BNC2: variants seen among roughly 807,000 people sequenced by gnomAD.
The protein encoded by BNC2 is zinc finger protein basonuclin-2.
A neutral mutation model predicts 76.3 loss-of-function variants in BNC2; 20 were observed. The ratio of observed to expected loss-of-function variants is 0.26; its 90% CI spans 0.18 to 0.38. BNC2 has a LOEUF of 0.38. Among genes scored for constraint, BNC2 ranks in the 10% least tolerant of loss-of-function variants. The pLI, the probability that BNC2 is intolerant of heterozygous loss-of-function variation, is 1.00. For synonymous variants in BNC2, 582 were observed against 514.8 expected (o/e 1.13, Z -1.77); for missense variants, 1,382 against 1,399.8 (o/e 0.99, Z 0.20).
chr9:16,574,187 G>A (rs767505817), intron 4 of BNC2, among the ~76,000 whole-genome samples: 1 of 152,132 alleles, frequency 6.6e-6, no homozygotes, highest in African/African-American at 2.4e-5. Context: ...GTGAACTCCA[G>A]TTAATTAAGA....
At chr9:16,664,503 G>C (rs541346879) in intron 3 of BNC2, among the ~76,000 whole-genome samples, 1 of 152,252 alleles carries the variant, frequency 6.6e-6, no homozygotes, top group East Asian at 1.9e-4. Flanking sequence ...AGCTGAGACT[G>C]TCTGGGGACA....
At chr9:16,523,101 T>G (rs1341805264) in intron 5 of BNC2, among the ~76,000 whole-genome samples, 1 of 152,150 alleles carries the variant, frequency 6.6e-6, no homozygotes, top group Admixed American at 6.5e-5. Context: ...CGAGTTTCAG[T>G]GTCTATTCGT....
intron 1 of BNC2, among the ~76,000 whole-genome samples, chr9:16,788,681 G>C (rs1382580598): frequency 6.6e-6 from 1 of 152,060 alleles, no homozygotes; most frequent in Non-Finnish European, 1.5e-5. Context: ...AGAGAAAAGG[G>C]AGCCCTTTAA....
intron 3 of BNC2, among the ~76,000 whole-genome samples, chr9:16,709,716 G>A (rs1290819642): frequency 6.6e-6 from 1 of 152,172 alleles, no homozygotes; most frequent in Non-Finnish European, 1.5e-5. Context: ...ACCTGTGGGA[G>A]AGACAGGGAA....
chr9:16,437,365 T>C lies in BNC2; in HGVS notation c.829A>G (p.Lys277Glu), dbSNP rs1336792156. The C allele has an allele frequency of 6.2e-7, 1 of 1,613,822 alleles. No individual in the cohort carries two copies. The change falls in exon 6 of 7, where the codon AAG becomes GAG. Residue 277 changes from lysine to glutamate, a missense_variant. By Grantham distance (56) the Lys-to-Glu change is moderately conservative (BLOSUM62 1). This residue lies in a region of BNC2 where 557 missense variants were observed against 540.9 expected (regional missense o/e 1.03). Transcript: ENST00000380672. ...AAAGTCCTTATATCTGAGTCTGTCT[T>C]TGAAGATGGTACAGCCACGGCCTGC... ...EGQAVAVPSS[K>E]TDSDIRTFIE...
chr9:16,490,302 G>A (rs1237323700), intron 5 of BNC2, among the ~76,000 whole-genome samples: 1 of 152,136 alleles, frequency 6.6e-6, no homozygotes, highest in East Asian at 1.9e-4. Context: ...AGCAAAAGCG[G>A]AAACCCCTGA....
chr9:16,804,394 T>C (rs1817855084), intron 1 of BNC2, among the ~76,000 whole-genome samples: 1 of 152,236 alleles, frequency 6.6e-6, no homozygotes, highest in Non-Finnish European at 1.5e-5. Context: ...TGGTCACAGC[T>C]AGAAAGCTGC....
At chr9:16,846,279 A>G (rs1336685038) in intron 1 of BNC2, among the ~76,000 whole-genome samples, 3 of 152,252 alleles carry the variant, frequency 2.0e-5, no homozygotes, top group Non-Finnish European at 4.4e-5. Context: ...AAGAAAATCC[A>G]GCATTTTCAG....
intron 3 of BNC2, among the ~76,000 whole-genome samples, chr9:16,691,403 GA>G (rs1238398001): frequency 6.6e-6 from 1 of 151,878 alleles, no homozygotes; most frequent in Non-Finnish European, 1.5e-5. Flanking sequence ...CTATTGGACA[GA>G]TTTCACGTAC....
At chr9:16,498,487 A>G (rs1475929593) in intron 5 of BNC2, among the ~76,000 whole-genome samples, 1 of 150,560 alleles carries the variant, frequency 6.6e-6, no homozygotes, top group African/African-American at 2.4e-5. Flanking sequence ...ACACCTAACA[A>G]TGATACAACG....
chr9:16,667,715 G>A (rs996818757), intron 3 of BNC2, among the ~76,000 whole-genome samples: 2 of 152,052 alleles, frequency 1.3e-5, no homozygotes, highest in African/African-American at 4.8e-5. Context: ...AGTTAAGAAA[G>A]GTATAGTTCA....
At chr9:16,565,233 T>C (rs1471000807) in intron 4 of BNC2, among the ~76,000 whole-genome samples, 1 of 152,124 alleles carries the variant, frequency 6.6e-6, no homozygotes, top group Non-Finnish European at 1.5e-5. Context: ...TTCACACACA[T>C]AACTGCCCCA....
intron 5 of BNC2, among the ~76,000 whole-genome samples, chr9:16,477,900 T>C (rs2065291840): frequency 6.6e-6 from 1 of 152,164 alleles, no homozygotes; most frequent in South Asian, 2.1e-4. Flanking sequence ...TGGGGGTACC[T>C]GGCCCCCAAT....
At chr9:16,539,548 A>G (rs531886528) in intron 5 of BNC2, among the ~76,000 whole-genome samples, 108 of 130,772 alleles carry the variant, frequency 8.3e-4, no homozygotes, top group Middle Eastern at 3.7e-3. Context: ...GAAGAGAGGG[A>G]GAGAGGGGGA....
intron 1 of BNC2, among the ~76,000 whole-genome samples, chr9:16,756,943 A>T (rs1825401295): frequency 6.6e-6 from 1 of 151,504 alleles, no homozygotes; most frequent in Non-Finnish European, 1.5e-5. Context: ...GTGAGCCAAG[A>T]TCACACCAAT....
intron 4 of BNC2, among the ~76,000 whole-genome samples, chr9:16,582,130 T>C (rs761668069): frequency 1.3e-5 from 2 of 152,090 alleles, no homozygotes; most frequent in Non-Finnish European, 2.9e-5. Flanking sequence ...TAAGAGGCAA[T>C]ACCCGGGGCT....
At chr9:16,651,600 G>C (rs956069261) in intron 3 of BNC2, among the ~76,000 whole-genome samples, 4 of 152,016 alleles carry the variant, frequency 2.6e-5, no homozygotes, top group Non-Finnish European at 5.9e-5. Context: ...TACTGAAAAG[G>C]GTGATGTATT....
chr9:16,805,955 T>C (rs1400383087), intron 1 of BNC2, among the ~76,000 whole-genome samples: 3 of 152,178 alleles, frequency 2.0e-5, no homozygotes, highest in Non-Finnish European at 4.4e-5. Flanking sequence ...TAATGTGAAA[T>C]AGTTTGTGAA....
At position 16,500,189 on chromosome 9, in the gene BNC2, T is replaced by C. The variant is rs1325173526; in HGVS notation, c.669+52341A>G. Among the ~76,000 whole-genome samples, 3 of 151,994 alleles carry C rather than the reference T, an allele frequency of 2.0e-5. No individual in the cohort carries two copies. The East Asian group carries it at 5.8e-4, about 29-fold the overall frequency. ...TCTCCTCTACCCCTTTTCAAGACTA[T>C]TCTCCTCACCATTCAGAATCCTACC... On this transcript the variant is annotated intron_variant, in intron 5 of 6. Coordinates refer to ENST00000380672, the MANE Select transcript of BNC2 (RefSeq NM_017637.6).
Sources: gnomAD v4.1 joint callset for allele counts (sites outside exome capture counted in the v4.1 genomes callset) on GRCh38, gnomAD v4.1.1 for gene constraint, gnomAD v4.1.1 regional missense constraint, MANE v1.5 for transcripts, NCBI Gene and HGNC (gene_info 2026-07-23, HGNC 2026-07-21) for gene names.